Variants in TNNI3K observed in about 807,000 individuals in gnomAD.
TNNI3K encodes the protein serine/threonine-protein kinase TNNI3K.
TNNI3K carries 140 observed loss-of-function variants against 114.5 expected under a neutral mutation model. The observed-to-expected ratio is 1.22, with a 90% CI of 1.07 to 1.41. The LOEUF is 1.41. Ranked by LOEUF, TNNI3K falls within the 40% of genes most tolerant of loss-of-function variation. The pLI is 0.00. For missense variants in TNNI3K, 1,125 were observed against 1,007.6 expected (o/e 1.12, Z -1.58); for synonymous variants, 347 against 347.5 (o/e 1.00, Z 0.02).
At chr1:74,470,448 T>C (rs766540015) in intron 21 of TNNI3K, 3 of 400,578 alleles carry the variant, frequency 7.5e-6, no homozygotes, top group African/African-American at 2.1e-5. Flanking sequence ...TGCTGTCAAT[T>C]CCTTTTTCGC....
intron 17 of TNNI3K, among the ~76,000 whole-genome samples, chr1:74,397,244 A>G (rs536330983): frequency 2.0e-5 from 3 of 152,240 alleles, no homozygotes; most frequent in African/African-American, 7.2e-5. Context: ...AGAAAGACTG[A>G]AAAAGACAGA....
At chr1:74,455,285 G>A (rs1240802843) in intron 20 of TNNI3K, among the ~76,000 whole-genome samples, 1 of 152,122 alleles carries the variant, frequency 6.6e-6, no homozygotes, top group Non-Finnish European at 1.5e-5. Context: ...AGTTAAATAG[G>A]TAAACTATGA....
chr1:74,342,804 TC>T (rs1557508266), intron 7 of TNNI3K, 37 bp from the exon 8 acceptor site: 14 of 1,611,142 alleles, frequency 8.7e-6, no homozygotes, highest in Middle Eastern at 1.7e-4. Flanking sequence ...AACAAACAAT[TC>T]TAGATAACAT....
At chr1:74,330,863 A>G (rs1660164845) in intron 5 of TNNI3K, among the ~76,000 whole-genome samples, 1 of 152,202 alleles carries the variant, frequency 6.6e-6, no homozygotes, top group Admixed American at 6.5e-5. Flanking sequence ...TGCTAGAGTA[A>G]GAGTATAAAG....
intron 17 of TNNI3K, among the ~76,000 whole-genome samples, chr1:74,379,922 T>C (rs1303950496): frequency 3.9e-5 from 6 of 152,158 alleles, no homozygotes; most frequent in Non-Finnish European, 8.8e-5. Context: ...TCATTAGGTC[T>C]CATTTAATTT....
chr1:74,342,874 C>T lies in TNNI3K; in HGVS notation c.715C>T (p.Leu239Phe). Residue 239 changes from leucine (L) to phenylalanine (F), a missense_variant, in exon 8 of 25, where the codon CTC (leucine) becomes TTC (phenylalanine). Physicochemically the swap from Leu to Phe is conservative, Grantham distance 22. Coordinates refer to ENST00000326637, the MANE Select transcript of TNNI3K (RefSeq NM_015978.3). ...TCAAGATAATGAAGACCATGTCCCACTCCATTTCTGTTCTCGATTTGGACA... is the reference window on the plus strand; with the variant it reads ...TCAAGATAATGAAGACCATGTCCCATTCCATTTCTGTTCTCGATTTGGACA... ...NAQDNEDHVP[L>F]HFCSRFGHHD... 1.2e-6 allele frequency: 2 copies of T among 1,613,794 alleles called. No individual in the cohort carries two copies. The highest frequency in any genetic ancestry group is 8.5e-7 in the Non-Finnish European group (1 of 1,179,876).
intron 20 of TNNI3K, among the ~76,000 whole-genome samples, chr1:74,442,495 A>G (rs1666420937): frequency 6.6e-6 from 1 of 152,034 alleles, no homozygotes; most frequent in Admixed American, 6.6e-5. Context: ...ATTCCTATAA[A>G]AAGCTTGTTG....
intron 19 of TNNI3K, among the ~76,000 whole-genome samples, chr1:74,438,879 G>T (rs1666251915): frequency 6.6e-6 from 1 of 151,998 alleles, no homozygotes; most frequent in Non-Finnish European, 1.5e-5. Context: ...TAGCACATCT[G>T]GGCAGAGAAA....
chr1:74,540,110 A>G (rs1646708261), intron 23 of TNNI3K, 124 bp from the exon 24 acceptor site: 2 of 1,000,446 alleles, frequency 2.0e-6, no homozygotes, highest in Non-Finnish European at 1.4e-6. Flanking sequence ...CTGTTAAGAT[A>G]AAAGCTGCTT....
At chr1:74,322,042 A>T (rs1384772684) in intron 5 of TNNI3K, among the ~76,000 whole-genome samples, 1 of 152,220 alleles carries the variant, frequency 6.6e-6, no homozygotes, top group Non-Finnish European at 1.5e-5. Context: ...AGGGCGTGGT[A>T]ACTCTAAAGC....
chr1:74,337,924 A>G (rs1384152273), intron 7 of TNNI3K, among the ~76,000 whole-genome samples: 6 of 152,086 alleles, frequency 3.9e-5, no homozygotes, highest in Non-Finnish European at 7.4e-5. Context: ...ATATACCATA[A>G]TTGGCATATC....
intron 17 of TNNI3K, among the ~76,000 whole-genome samples, chr1:74,431,939 A>G (rs1357571402): frequency 6.6e-6 from 1 of 152,152 alleles, no homozygotes; most frequent in East Asian, 1.9e-4. Flanking sequence ...ATAAAGGACT[A>G]GTTGACTTTT....
chr1:74,253,412 G>A (rs1318497623), intron 4 of TNNI3K, among the ~76,000 whole-genome samples: 1 of 152,144 alleles, frequency 6.6e-6, no homozygotes, highest in Non-Finnish European at 1.5e-5. Flanking sequence ...GGTAAGCTCG[G>A]CCATGCAAGA....
At chr1:74,481,027 A>G in intron 21 of TNNI3K, 2 of 649,460 alleles carry the variant, frequency 3.1e-6, no homozygotes, top group East Asian at 5.4e-5. Context: ...GGGAGGGGGT[A>G]TGGTGGAGAG....
intron 4 of TNNI3K, among the ~76,000 whole-genome samples, chr1:74,270,135 T>C (rs192231193): frequency 1.3e-5 from 2 of 151,868 alleles, no homozygotes; most frequent in Admixed American, 1.3e-4. Flanking sequence ...GGTAATACGA[T>C]GAAAAGAGAT....
chr1:74,354,155 A>G (rs1281559741), intron 11 of TNNI3K, 26 bp downstream of exon 11: 5 of 1,613,340 alleles, frequency 3.1e-6, no homozygotes, highest in Non-Finnish European at 2.5e-6. Context: ...TCGTGTCTCT[A>G]TAGTGATACA....
intron 7 of TNNI3K, among the ~76,000 whole-genome samples, chr1:74,341,172 A>T (rs1660729055): frequency 6.6e-6 from 1 of 152,204 alleles, no homozygotes; most frequent in South Asian, 2.1e-4. Flanking sequence ...CAGATTAGGA[A>T]TTGAGCAGTT....
intron 22 of TNNI3K, 43 bp downstream of exon 22, chr1:74,489,291 G>T: frequency 6.3e-7 from 1 of 1,587,386 alleles, no homozygotes; most frequent in Middle Eastern, 1.7e-4. Flanking sequence ...AAAAAGCCCT[G>T]CATATCCAAG....
chr1:74,375,794 A>T, intron 17 of TNNI3K: 2 of 330,686 alleles, frequency 6.0e-6, no homozygotes, highest in Non-Finnish European at 6.1e-6. Flanking sequence ...TAATAATAAC[A>T]CTCTTCTCTC....
Sources: allele counts gnomAD v4.1 joint callset (sites outside exome capture counted in the v4.1 genomes callset), GRCh38; gene constraint gnomAD v4.1.1; transcripts MANE v1.5; gene names NCBI Gene and HGNC (gene_info 2026-07-23, HGNC 2026-07-21).